Variants in CCDC91 observed in about 807,000 individuals in gnomAD.
CCDC91 encodes the protein coiled-coil domain-containing protein 91.
Under a neutral mutation model 63.2 loss-of-function variants are expected in CCDC91, and 48 were observed. The ratio of observed to expected loss-of-function variants is 0.76; its 90% CI spans 0.60 to 0.97. The LOEUF (loss-of-function observed/expected upper bound fraction) is 0.97. CCDC91 is among the 50% of genes least tolerant of loss of function. The pLI is 0.00. For missense variants in CCDC91, 500 were observed against 494.6 expected, an observed-to-expected ratio of 1.01 and a Z score of -0.10; for synonymous variants, 167 against 165.8, an observed-to-expected ratio of 1.01 and a Z score of -0.06.
At chr12:28,355,093 C>G (rs1173713973) in intron 6 of CCDC91, among the ~76,000 whole-genome samples, 1 of 151,794 alleles carries the variant, frequency 6.6e-6, no homozygotes, top group African/African-American at 2.4e-5. Flanking sequence ...CGTTTTCTTC[C>G]TTCTTTCTGC....
chr12:28,291,387 T>C (rs1949238520), intron 3 of CCDC91, among the ~76,000 whole-genome samples: 2 of 152,210 alleles, frequency 1.3e-5, no homozygotes, highest in East Asian at 1.9e-4. Flanking sequence ...GGCATTGTCA[T>C]GGACAAGAAT....
rs528307432 is a variant in CCDC91 at position 28,452,816 on chromosome 12, AT to A, written c.1101+167del. On this transcript the variant is annotated intron_variant, in intron 11 of 12. Coordinates refer to ENST00000536442, the MANE Select transcript of CCDC91 (RefSeq NM_018318.5). The stretch of plus-strand genomic sequence containing the variant: ...TTGATGTTTATATTTTGAATTAATC[AT>A]TTTTAATATTTTAATGTGCTTTCAT... 5.3e-5 allele frequency among the ~76,000 whole-genome samples: 8 copies of A among 151,860 alleles called. No individual in the cohort carries two copies. The South Asian group carries it at 1.7e-3, about 31-fold the overall frequency.
intron 7 of CCDC91, among the ~76,000 whole-genome samples, chr12:28,364,930 G>A (rs1027251): frequency 0.9 from 137,127 of 152,202 alleles, 63,364 homozygotes; most frequent in East Asian, 1. Context: ...ATGATATCCA[G>A]TATATCTGAT....
chr12:28,372,841 C>T (rs1184210013), intron 7 of CCDC91, among the ~76,000 whole-genome samples: 1 of 152,120 alleles, frequency 6.6e-6, no homozygotes, highest in Non-Finnish European at 1.5e-5. Context: ...TGTCTGATTG[C>T]TCTTGGTAGG....
chr12:28,234,373 T>C (rs190093466), intron 1 of CCDC91, among the ~76,000 whole-genome samples: 93 of 152,288 alleles, frequency 6.1e-4, no homozygotes, highest in Admixed American at 6.0e-3. Context: ...TTGTCCTAAA[T>C]TTTTATAGTC....
chr12:28,339,557 A>AT (rs1023263583), intron 6 of CCDC91, among the ~76,000 whole-genome samples: 184 of 152,176 alleles, frequency 1.2e-3, no homozygotes, highest in African/African-American at 4.4e-3. Flanking sequence ...AATAATATAG[A>AT]TAAAAAATAC....
intron 6 of CCDC91, among the ~76,000 whole-genome samples, chr12:28,344,516 T>G (rs1942668789): frequency 6.6e-6 from 1 of 152,138 alleles, no homozygotes; most frequent in African/African-American, 2.4e-5. Context: ...CACCATCAAA[T>G]TTTATCGGCA....
chr12:28,298,851 C>T (rs1937727657), intron 3 of CCDC91, among the ~76,000 whole-genome samples: 1 of 151,062 alleles, frequency 6.6e-6, no homozygotes, highest in Admixed American at 6.6e-5. Context: ...TTGAAATCTT[C>T]AGGATTTATA....
At chr12:28,350,824 C>T (rs1035224467) in intron 6 of CCDC91, among the ~76,000 whole-genome samples, 1 of 152,150 alleles carries the variant, frequency 6.6e-6, no homozygotes, top group Non-Finnish European at 1.5e-5. Flanking sequence ...TGGCCCTCTT[C>T]CCTGTGTCTC....
chr12:28,298,662 C>A (rs1937683394), intron 3 of CCDC91, among the ~76,000 whole-genome samples: 1 of 149,700 alleles, frequency 6.7e-6, no homozygotes, highest in Non-Finnish European at 1.5e-5. Flanking sequence ...TCTATCCTAT[C>A]CCTTTGCCTT....
intron 8 of CCDC91, among the ~76,000 whole-genome samples, chr12:28,447,790 GGGGAGGGGAGGGGAGGGGA>G (rs1246707247): frequency 3.9e-5 from 1 of 25,626 alleles, no homozygotes; most frequent in Non-Finnish European, 9.3e-5. Context: ...GGGCAGGGGA[GGGGAGGGGAGGGGAGGGGA>G]GGGAGGGGAA....
At chr12:28,275,258 A>G (rs1278962864) in intron 3 of CCDC91, among the ~76,000 whole-genome samples, 1 of 152,144 alleles carries the variant, frequency 6.6e-6, no homozygotes, top group Non-Finnish European at 1.5e-5. Flanking sequence ...GAAGAATCAA[A>G]TAGATGCAAT....
chr12:28,271,876 TACTC>T (rs1947791025), intron 3 of CCDC91, among the ~76,000 whole-genome samples: 2 of 149,446 alleles, frequency 1.3e-5, no homozygotes, highest in Admixed American at 6.7e-5. Flanking sequence ...ATGAAATACA[TACTC>T]AATACATAAT....
intron 10 of CCDC91, 137 bp downstream of exon 10, chr12:28,450,555 C>CT (rs1313168231): frequency 6.2e-5 from 39 of 624,564 alleles, no homozygotes; most frequent in Non-Finnish European, 9.8e-5. Flanking sequence ...TACTTTTAAA[C>CT]TTAAGATATG....
rs544774926 is a variant in CCDC91 at position 28,360,532 on chromosome 12, T to C, written c.577-1906T>C. On this transcript the variant is annotated intron_variant, in intron 6 of 12. Coordinates refer to ENST00000536442, the MANE Select transcript of CCDC91 (RefSeq NM_018318.5). Reference sequence around the variant, plus strand: ...TGTCAGAAGGGGAGTGTGTGGAAGATTGTATAGGAAGTTTATGTGGTTCAT... The same window carrying C: ...TGTCAGAAGGGGAGTGTGTGGAAGACTGTATAGGAAGTTTATGTGGTTCAT... Among the ~76,000 whole-genome samples the C allele has an allele frequency of 2.6e-5, 4 of 152,118 alleles. No individual in the cohort carries two copies. In the South Asian group the frequency reaches 6.2e-4, roughly 24 times the overall value.
chr12:28,412,005 G>A (rs1349426537), intron 8 of CCDC91, among the ~76,000 whole-genome samples: 1 of 152,054 alleles, frequency 6.6e-6, no homozygotes, highest in Non-Finnish European at 1.5e-5. Flanking sequence ...GTTTTGGTAG[G>A]GACAAACAAA....
Position 28,504,088 on chromosome 12 carries a change from TAATAA to T in CCDC91, c.1215+19930_1215+19934del, listed in dbSNP as rs576990420. ...TACCCTAAAACTTAAAGTGTAAAAA[TAATAA>T]AATAAATTAATTTAAAAAAGACTCC... On this transcript the variant is annotated intron_variant, in intron 12 of 12. Transcript: ENST00000536442. Among the ~76,000 whole-genome samples the T allele has an allele frequency of 5.0e-3, 758 of 151,128 alleles. 2 individuals are homozygous for T. The highest frequency in any genetic ancestry group is 8.5e-3 in the Non-Finnish European group (573 of 67,682).
chr12:28,382,605 A>G (rs1469946931), intron 7 of CCDC91, among the ~76,000 whole-genome samples: 1 of 152,138 alleles, frequency 6.6e-6, no homozygotes, highest in Non-Finnish European at 1.5e-5. Flanking sequence ...CATGTAACCA[A>G]CAGAAGAGGA....
At chr12:28,345,806 C>A (rs1448459446) in intron 6 of CCDC91, among the ~76,000 whole-genome samples, 1 of 152,040 alleles carries the variant, frequency 6.6e-6, no homozygotes, top group Non-Finnish European at 1.5e-5. Context: ...TTACCTCTGA[C>A]CCAAACCTAG....
Sources: allele counts gnomAD v4.1 joint callset (sites outside exome capture counted in the v4.1 genomes callset), GRCh38; gene constraint gnomAD v4.1.1; transcripts MANE v1.5; gene names NCBI Gene and HGNC (gene_info 2026-07-23, HGNC 2026-07-21).